Variants in SREBF2 observed in about 807,000 individuals in gnomAD.
SREBF2 encodes sterol regulatory element-binding protein 2.
Under a neutral mutation model 113.1 loss-of-function variants are expected in SREBF2, and 55 were observed. The ratio of observed to expected loss-of-function variants is 0.49; its 90% CI spans 0.39 to 0.61. SREBF2 has a LOEUF of 0.61. Ranked by LOEUF, SREBF2 falls within the 20% of genes least tolerant of loss-of-function variation. SREBF2 has a pLI of 0.00. For missense variants in SREBF2, 1,349 were observed against 1,487.4 expected (o/e 0.91, Z 1.53); for synonymous variants, 593 against 605.7 (o/e 0.98, Z 0.31).
intron 13 of SREBF2, among the ~76,000 whole-genome samples, chr22:41,895,492 A>G (rs1334454428): frequency 1.5e-5 from 2 of 133,346 alleles, no homozygotes; most frequent in Non-Finnish European, 1.6e-5. Flanking sequence ...CTGGAGTGCA[A>G]TGGACCAGTC....
chr22:41,862,011 C>A (rs2077031641), intron 1 of SREBF2, among the ~76,000 whole-genome samples: 1 of 151,364 alleles, frequency 6.6e-6, no homozygotes, highest in African/African-American at 2.5e-5. Flanking sequence ...AACTAGGTTT[C>A]CCAGCCCCTA....
intron 14 of SREBF2, among the ~76,000 whole-genome samples, chr22:41,897,627 C>T (rs2077428514): frequency 6.6e-6 from 1 of 152,232 alleles, no homozygotes; most frequent in African/African-American, 2.4e-5. Flanking sequence ...GGATTGACAT[C>T]ATGACATTTC....
chr22:41,841,023 A>G (rs1468338868), intron 1 of SREBF2, among the ~76,000 whole-genome samples: 1 of 152,036 alleles, frequency 6.6e-6, no homozygotes, highest in Non-Finnish European at 1.5e-5. Context: ...CTGAATAGGC[A>G]CTCTGTAAAG....
At chr22:41,870,460 C>CA (rs1357403574) in intron 3 of SREBF2, among the ~76,000 whole-genome samples, 2 of 151,804 alleles carry the variant, frequency 1.3e-5, no homozygotes, top group Non-Finnish European at 2.9e-5. Context: ...CCTGTCTCTA[C>CA]AAAAAAATAC....
In SREBF2 at chr22:41,905,867, T is replaced by A; in HGVS notation, c.*207T>A. The A allele has an allele frequency of 1.4e-6, 1 of 717,298 alleles. No individual in the cohort carries two copies. The highest frequency in any genetic ancestry group is 1.5e-5 in the South Asian group (1 of 67,008). The allele number at this position is 717,298 out of a possible 1,614,324, so 44.4% of individuals were successfully genotyped here. A position where few individuals can be genotyped will look rare whatever the true frequency, so the allele number is the denominator to read the frequency against. On this transcript the variant is annotated 3_prime_UTR_variant, in exon 19 of 19. Coordinates refer to ENST00000361204, the MANE Select transcript of SREBF2 (RefSeq NM_004599.4). ...CCCATGGTCCAGGGCCTGGTGGGCG[T>A]GAGAGGATAGGTGGCAGGGCAGAAA...
In SREBF2 at chr22:41,845,220, C is replaced by T. The variant is rs145534713; in HGVS notation, c.88+11862C>T. Among the ~76,000 whole-genome samples the T allele has an allele frequency of 3.3e-5, 5 of 152,236 alleles. 1 individual carries two copies. Among genetic ancestry groups the T allele is most frequent in the African/African-American group, 1.2e-4 (5 of 41,548 alleles). On this transcript the variant is annotated intron_variant, in intron 1 of 18. Coordinates refer to ENST00000361204, the MANE Select transcript of SREBF2 (RefSeq NM_004599.4). The stretch of plus-strand genomic sequence containing the variant: ...CTGCGATTACAGGTGTGAGCCACTG[C>T]GCCTGCCCATGGCTTGATTTTTATG...
chr22:41,877,432 G>T lies in SREBF2; in HGVS notation c.1579+11G>T, dbSNP rs374348465. On this transcript the variant is annotated intron_variant, in intron 8 of 18. Coordinates refer to ENST00000361204, the MANE Select transcript of SREBF2 (RefSeq NM_004599.4). ...TGTCATTCGAGTCAGGTAGGTGGAG[G>T]CCCCTTGCCCCACCTGGGCATGGCT... The T allele has an allele frequency of 7.4e-6, 12 of 1,613,692 alleles. No homozygotes were observed. The highest frequency in any genetic ancestry group is 1.0e-5 in the Non-Finnish European group (12 of 1,179,868).
At chr22:41,867,881 T>G (rs1045435864) in intron 2 of SREBF2, among the ~76,000 whole-genome samples, 1 of 152,124 alleles carries the variant, frequency 6.6e-6, no homozygotes, top group Non-Finnish European at 1.5e-5. Flanking sequence ...GAGACTTGAA[T>G]AAGGCTTGAA....
intron 12 of SREBF2, 67 bp from the exon 13 acceptor site, chr22:41,894,753 C>A: frequency 7.2e-7 from 1 of 1,389,012 alleles, no homozygotes; most frequent in South Asian, 1.2e-5. Flanking sequence ...TGGAGTTTCT[C>A]TCCGTAAAGA....
intron 1 of SREBF2, among the ~76,000 whole-genome samples, chr22:41,851,660 A>AT (rs554886446): frequency 1.3e-5 from 2 of 151,948 alleles, no homozygotes; most frequent in East Asian, 3.9e-4. Context: ...CGCCCAGCTG[A>AT]TTTTTTGTAT....
At chr22:41,838,717 A>G (rs1443679742) in intron 1 of SREBF2, among the ~76,000 whole-genome samples, 3 of 152,194 alleles carry the variant, frequency 2.0e-5, no homozygotes, top group Non-Finnish European at 2.9e-5. Context: ...TAGGTGACAG[A>G]GCAAGACCTT....
rs117719169 is a variant in SREBF2 at position 41,836,042 on chromosome 22, G to T, written c.88+2684G>T. ...TGGAAACTACCACAGTGGTTCAGTG[G>T]CTTCATAGGTCCATTAGGTTTGATC... is the stretch of plus-strand genomic sequence containing the variant. On this transcript the variant is annotated intron_variant, in intron 1 of 18. Transcript: ENST00000361204. Among the ~76,000 whole-genome samples, 926 of 152,340 alleles carry T rather than the reference G, an allele frequency of 6.1e-3. 2 individuals carry two copies. Among genetic ancestry groups the T allele is most frequent in the Non-Finnish European group, 8.8e-3 (602 of 68,030 alleles).
chr22:41,842,239 C>T (rs1390802687), intron 1 of SREBF2, among the ~76,000 whole-genome samples: 4 of 152,176 alleles, frequency 2.6e-5, no homozygotes, highest in Non-Finnish European at 5.9e-5. Context: ...TCCCACCGCT[C>T]CCTCACAAGT....
rs777325974 is a variant in SREBF2, at chr22:41,867,004, G to A, written c.262G>A (p.Val88Met). 5.6e-6 allele frequency: 9 copies of A among 1,613,924 alleles called. No individual in the cohort carries two copies. Among genetic ancestry groups the A allele is most frequent in the Non-Finnish European group, 6.8e-6 (8 of 1,179,910 alleles). The change falls in exon 2 of 19, where the codon GTG becomes ATG. Residue 88 changes from valine (V) to methionine (M), a missense_variant. Transcript: ENST00000361204. ...CAGCAGCGGAGCTGTGGACCCTTCA[G>A]TGCAACGGTCATTCACCCAGGTCAC... ...GSSSGAVDPS[V>M]QRSFTQVTLP...
chr22:41,887,533 G>A lies in SREBF2; in HGVS notation c.2208+2522G>A, dbSNP rs548825084. The stretch of plus-strand genomic sequence containing the variant: ...TCTGACTTATTTTGCTCAATATCAT[G>A]TGTAAGAATCATTATGTTGTTATGT... On this transcript the variant is annotated intron_variant, in intron 11 of 18. Transcript: ENST00000361204. Among the ~76,000 whole-genome samples the A allele has an allele frequency of 2.6e-4, 39 of 152,318 alleles. 2 individuals are homozygous for A. The South Asian group carries it at 3.3e-3, about 13-fold the overall frequency.
intron 17 of SREBF2, 122 bp downstream of exon 17, chr22:41,903,277 TGTCGAG>T: frequency 2.4e-6 from 3 of 1,226,276 alleles, no homozygotes; most frequent in Non-Finnish European, 3.5e-6. Flanking sequence ...CCTGGTGACC[TGTCGAG>T]CACCTGCTTG....
At position 41,878,014 on chromosome 22, in the gene SREBF2, G is replaced by A; in HGVS notation, c.1652G>A (p.Ser551Asn). The A allele has an allele frequency of 6.2e-7, 1 of 1,614,150 alleles. No homozygotes were observed. Among genetic ancestry groups the A allele is most frequent in the Non-Finnish European group, 8.5e-7 (1 of 1,180,044 alleles). Residue 551 changes from serine to asparagine, a missense_variant, in exon 9 of 19, where the codon AGC becomes AAC. Around this residue, in one of 2 missense-constraint regions of SREBF2, gnomAD observed 699 missense variants for 843.3 expected, o/e 0.83. Coordinates refer to ENST00000361204, the MANE Select transcript of SREBF2 (RefSeq NM_004599.4). Reference sequence around the variant, plus strand: ...CTGGTAAATGGTGTGATTGTCCTGAGCGTCTTTGTGAAGCTGCTGGTTCAT... The same window carrying A: ...CTGGTAAATGGTGTGATTGTCCTGAACGTCTTTGTGAAGCTGCTGGTTCAT... ...LWLVNGVIVL[S>N]VFVKLLVHGE...
chr22:41,893,142 G>A lies in SREBF2; in HGVS notation c.2234G>A (p.Ser745Asn). ...AGCTACTTCCTCAGCCGAGCCCAGA[G>A]CCTGTGTGGCCCCGAGCACAGTGCT... ...LASYFLSRAQ[S>N]LCGPEHSAVP... The change falls in exon 12 of 19, where the codon AGC (serine) becomes AAC (asparagine). Residue 745 changes from serine to asparagine, a missense_variant. Ser to Asn is a conservative substitution (Grantham distance 46). Transcript: ENST00000361204. The A allele has an allele frequency of 6.2e-7, 1 of 1,613,994 alleles. No homozygotes were observed. The highest frequency in any genetic ancestry group is 8.5e-7 in the Non-Finnish European group (1 of 1,180,050).
intron 16 of SREBF2, 80 bp downstream of exon 16, chr22:41,900,578 C>A: frequency 1.4e-6 from 2 of 1,453,678 alleles, no homozygotes; most frequent in Non-Finnish European, 1.9e-6. Flanking sequence ...CTCATGCTGA[C>A]CCTGCGGGTG....
Sources: allele counts gnomAD v4.1 joint callset (sites outside exome capture counted in the v4.1 genomes callset), GRCh38; gene constraint gnomAD v4.1.1; regional missense constraint gnomAD v4.1.1; transcripts MANE v1.5; gene names NCBI Gene and HGNC (gene_info 2026-07-23, HGNC 2026-07-21).